The following ATP8A2 variants were observed in gnomAD, a reference collection of about 807,000 sequenced individuals.
ATP8A2 encodes the protein phospholipid-transporting ATPase IB.
In ATP8A2, 100 loss-of-function variants were observed where a neutral mutation model predicts 165.6. That is an observed-to-expected ratio of 0.60 (90% CI 0.51 to 0.71). The LOEUF (loss-of-function observed/expected upper bound fraction) is 0.71, where lower values mean the gene tolerates loss of function less well. Among genes scored for constraint, ATP8A2 ranks in the 30% least tolerant of loss-of-function variants. The pLI is 0.00. For missense variants in ATP8A2, 1,227 were observed against 1,479.5 expected (o/e 0.83, Z 2.80); for synonymous variants, 543 against 548.8 (o/e 0.99, Z 0.15).
rs200484591 is a variant in ATP8A2, at chr13:25,543,463, G to A, written c.891+61G>A. 1.1e-4 allele frequency: 126 copies of A among 1,142,706 alleles called. 2 individuals carry two copies. The East Asian group carries it at 2.9e-3, about 27-fold the overall frequency. The allele number at this position is 1,142,706 out of a possible 1,614,324, so 70.8% of individuals were successfully genotyped here. On this transcript the variant is annotated intron_variant, in intron 10 of 36. Transcript: ENST00000381655. ...TCTTTCTGCTTTTATTGACTAGAAGGTGGAAAATGCAGATGTTGCATTTAG... is the reference window on the plus strand; with the variant it reads ...TCTTTCTGCTTTTATTGACTAGAAGATGGAAAATGCAGATGTTGCATTTAG...
rs143818210 is a variant in ATP8A2, at chr13:25,910,193, A to C, written c.3183+47785A>C. Among the ~76,000 whole-genome samples, 441 of 152,294 alleles carry C rather than the reference A, an allele frequency of 2.9e-3. 5 individuals are homozygous for C. The highest frequency in any genetic ancestry group is 0.01 in the African/African-American group (416 of 41,564). On this transcript the variant is annotated intron_variant, in intron 33 of 36. Coordinates refer to ENST00000381655, the MANE Select transcript of ATP8A2 (RefSeq NM_016529.6). The stretch of plus-strand genomic sequence containing the variant: ...GTAATACTTTTTGACAAGAAATATT[A>C]AATATTTTTCCAAAAGTGGTGCAGA...
chr13:25,644,820 T>A (rs191616125), intron 24 of ATP8A2, among the ~76,000 whole-genome samples: 1 of 152,288 alleles, frequency 6.6e-6, no homozygotes, highest in Non-Finnish European at 1.5e-5. Flanking sequence ...TTATTCTAGG[T>A]TATCCATTTT....
chr13:25,876,807 G>T (rs1952830527), intron 33 of ATP8A2, among the ~76,000 whole-genome samples: 1 of 152,270 alleles, frequency 6.6e-6, no homozygotes. Context: ...AAGAAAGAAA[G>T]AATTTTTCCA....
chr13:25,849,605 G>A (rs868719847), intron 30 of ATP8A2, among the ~76,000 whole-genome samples: 7 of 152,088 alleles, frequency 4.6e-5, no homozygotes, highest in Non-Finnish European at 1.0e-4. Flanking sequence ...CAACATTTTC[G>A]GGCTGTTACT....
rs377484623 is a variant in ATP8A2 at position 25,796,077 on chromosome 13, G to A, written c.2679+21118G>A. ...CAATTCTCCTGCCTCTGCCTCCCTAGTAGCTGGGATTACAAGCACCTGCCA... is the reference window on the plus strand; with the variant it reads ...CAATTCTCCTGCCTCTGCCTCCCTAATAGCTGGGATTACAAGCACCTGCCA... On this transcript the variant is annotated intron_variant, in intron 27 of 36. Transcript: ENST00000381655. Among the ~76,000 whole-genome samples the A allele has an allele frequency of 1.5e-3, 226 of 151,976 alleles. 1 individual carries two copies. The highest frequency in any genetic ancestry group is 5.2e-3 in the African/African-American group (214 of 41,436).
chr13:25,515,091 C>T (rs904151581), intron 2 of ATP8A2, among the ~76,000 whole-genome samples: 2 of 152,212 alleles, frequency 1.3e-5, no homozygotes, highest in African/African-American at 4.8e-5. Context: ...CAGAACAACC[C>T]TCTGCCAAGT....
intron 19 of ATP8A2, among the ~76,000 whole-genome samples, chr13:25,576,865 G>T (rs1179767325): frequency 6.6e-6 from 1 of 152,146 alleles, no homozygotes; most frequent in African/African-American, 2.4e-5. Flanking sequence ...GGCAGGGAAA[G>T]AAATAGGCTT....
chr13:25,680,453 C>T (rs2137802963), intron 24 of ATP8A2, among the ~76,000 whole-genome samples: 1 of 152,214 alleles, frequency 6.6e-6, no homozygotes, highest in East Asian at 1.9e-4. Context: ...GATTTCTAGC[C>T]CCAGGAGCTG....
intron 35 of ATP8A2, among the ~76,000 whole-genome samples, chr13:26,000,154 C>T (rs1232325240): frequency 6.6e-6 from 1 of 152,122 alleles, no homozygotes; most frequent in African/African-American, 2.4e-5. Flanking sequence ...TTTGGCCTTC[C>T]CTGAAGGACA....
chr13:25,508,864 G>C (rs1322205394), intron 2 of ATP8A2, among the ~76,000 whole-genome samples: 1 of 152,200 alleles, frequency 6.6e-6, no homozygotes, highest in Non-Finnish European at 1.5e-5. Flanking sequence ...TAATAGACTT[G>C]AGCCTTGCTT....
In ATP8A2 at chr13:25,862,332, T is replaced by C. The variant is rs1205875730; in HGVS notation, c.3107T>C (p.Leu1036Pro). ...CATCTGGCTGTCTGGGGAAGCATGCTGACCTGGCTGGTGTTTTTTGGCATC... is the reference window on the plus strand; with the variant it reads ...CATCTGGCTGTCTGGGGAAGCATGCCGACCTGGCTGGTGTTTTTTGGCATC... ...FSHLAVWGSM[L>P]TWLVFFGIYS... is the part of the protein sequence containing the mutation. Residue 1036 changes from leucine to proline, a missense_variant, in exon 33 of 37, where the codon CTG (leucine) becomes CCG (proline). Physicochemically the swap from Leu to Pro is moderately conservative, Grantham distance 98 (BLOSUM62 -3). This residue lies in a region of ATP8A2 where 260 missense variants were observed against 245.1 expected (regional missense o/e 1.06). Transcript: ENST00000381655. The C allele has an allele frequency of 7.4e-6, 12 of 1,613,976 alleles. No homozygotes were observed. The highest frequency in any genetic ancestry group is 1.0e-5 in the Non-Finnish European group (12 of 1,179,940).
chr13:25,513,461 C>T lies in ATP8A2; in HGVS notation c.222-16538C>T, dbSNP rs528230294. 7.9e-5 allele frequency among the ~76,000 whole-genome samples: 12 copies of T among 151,686 alleles called. No individual in the cohort carries two copies. The South Asian group carries it at 2.3e-3, about 29-fold the overall frequency. ...TGATGGCGGCCGGGAAGAGGCGCTC[C>T]TCACTTCTCAGACTGGGCAGCCAGG... is the stretch of plus-strand genomic sequence containing the variant. On this transcript the variant is annotated intron_variant, in intron 2 of 36. Transcript: ENST00000381655.
intron 25 of ATP8A2, among the ~76,000 whole-genome samples, chr13:25,745,118 T>C (rs1284567710): frequency 6.6e-6 from 1 of 152,106 alleles, no homozygotes; most frequent in Non-Finnish European, 1.5e-5. Context: ...TTTTTTTGTA[T>C]TTTTAGTAGA....
chr13:25,957,264 G>C (rs1011546900), intron 33 of ATP8A2, among the ~76,000 whole-genome samples: 2 of 152,178 alleles, frequency 1.3e-5, no homozygotes, highest in African/African-American at 4.8e-5. Flanking sequence ...AGCCAAAATT[G>C]ACAAATGGAT....
intron 30 of ATP8A2, among the ~76,000 whole-genome samples, chr13:25,857,392 T>G (rs550423371): frequency 6.6e-6 from 1 of 152,178 alleles, no homozygotes; most frequent in African/African-American, 2.4e-5. Flanking sequence ...TATTTTTTAT[T>G]AAGACAGGGT....
intron 1 of ATP8A2, among the ~76,000 whole-genome samples, chr13:25,431,271 C>T (rs2034603134): frequency 6.6e-6 from 1 of 152,160 alleles, no homozygotes; most frequent in East Asian, 1.9e-4. Context: ...TGCCCAGCCT[C>T]CCGAGTAGCT....
intron 25 of ATP8A2, among the ~76,000 whole-genome samples, chr13:25,721,384 T>G (rs565181819): frequency 1.3e-5 from 2 of 152,318 alleles, no homozygotes; most frequent in South Asian, 4.1e-4. Context: ...TGTCTGTTTT[T>G]GCTTTGGTTG....
chr13:25,610,713 A>G lies in ATP8A2; in HGVS notation c.2211+21014A>G, dbSNP rs115423168. ...TGTAGATTGCTTTGGCAGGGTGGTC[A>G]TTTCCATTCGTGGGATGTATTTCCA... is the stretch of plus-strand genomic sequence containing the variant. On this transcript the variant is annotated intron_variant, in intron 24 of 36. Transcript: ENST00000381655. Among the ~76,000 whole-genome samples, 567 of 151,882 alleles carry G rather than the reference A, an allele frequency of 3.7e-3. 4 individuals carry two copies. Among genetic ancestry groups the G allele is most frequent in the African/African-American group, 0.013 (553 of 41,464 alleles).
At chr13:25,628,152 C>T (rs1197098837) in intron 24 of ATP8A2, among the ~76,000 whole-genome samples, 2 of 152,144 alleles carry the variant, frequency 1.3e-5, no homozygotes, top group East Asian at 3.9e-4. Context: ...CTAGGCCACC[C>T]TCCCTCTTGC....
Sources: gnomAD v4.1 joint callset for allele counts (sites outside exome capture counted in the v4.1 genomes callset) on GRCh38, gnomAD v4.1.1 for gene constraint, gnomAD v4.1.1 regional missense constraint, MANE v1.5 for transcripts, NCBI Gene and HGNC (gene_info 2026-07-23, HGNC 2026-07-21) for gene names.